CENPW: variants seen among roughly 807,000 people sequenced by gnomAD.
CENPW encodes the protein cancer-up-regulated gene 2 protein.
CENPW carries 3 observed loss-of-function variants against 11.1 expected under a neutral mutation model. The observed-to-expected ratio is 0.27, with a 90% CI of 0.12 to 0.70. The LOEUF (loss-of-function observed/expected upper bound fraction) is 0.70. Ranked by LOEUF, CENPW falls within the 30% of genes least tolerant of loss-of-function variation. CENPW has a pLI of 0.77. For synonymous variants in CENPW, 38 were observed against 42.0 expected (o/e 0.91, Z 0.37); for missense variants, 100 against 105.6 (o/e 0.95, Z 0.23).
chr6:126,415,733 G>A, the CENPW span, among the ~76,000 whole-genome samples: 2 of 152,056 alleles, frequency 1.3e-5, no homozygotes, highest in African/African-American at 2.4e-5. Flanking sequence ...CCCTGCATAC[G>A]CTCTATTCTC....
chr6:126,399,118 T>C, the CENPW span, among the ~76,000 whole-genome samples: 1 of 152,136 alleles, frequency 6.6e-6, no homozygotes, highest in Non-Finnish European at 1.5e-5. Context: ...GTGTTGAAGA[T>C]ATGAGTGCAT....
Position 126,340,147 on chromosome 6 carries a change from T to A in CENPW, c.-127T>A, listed in dbSNP as rs372192318. ...TGGCGGCGGATTCGAACGTTCGGAC[T>A]GAGGTTTTTCTGCCTGAAGAAGCGT... On this transcript the variant is annotated 5_prime_UTR_variant, in exon 1 of 3. Transcript: ENST00000368328. 1.2e-5 allele frequency: 10 copies of A among 869,208 alleles called. No homozygotes were observed. In the South Asian group the frequency reaches 1.3e-4, roughly 11 times the overall value. The allele number at this position is 869,208 out of a possible 1,614,324, so 53.8% of individuals were successfully genotyped here.
chr6:126,470,347 A>G, the CENPW span, among the ~76,000 whole-genome samples: 17 of 152,170 alleles, frequency 1.1e-4, no homozygotes, highest in African/African-American at 4.1e-4. Context: ...GGCAGCTTCC[A>G]TGTGGTTTTG....
At chr6:126,382,220 A>C in the CENPW span, among the ~76,000 whole-genome samples, 1 of 151,632 alleles carries the variant, frequency 6.6e-6, no homozygotes, top group Non-Finnish European at 1.5e-5. Flanking sequence ...CTGGGTGACG[A>C]GCGAAAATCC....
chr6:126,386,382 G>T, the CENPW span, among the ~76,000 whole-genome samples: 127,078 of 152,014 alleles, frequency 0.84, 53,350 homozygotes, highest in East Asian at 1. Flanking sequence ...TTCCATCCTC[G>T]CACCAAACTA....
the CENPW span, among the ~76,000 whole-genome samples, chr6:126,441,434 C>A: frequency 6.6e-6 from 1 of 151,232 alleles, no homozygotes. Flanking sequence ...TCTTCTAAAA[C>A]TAGGATAGTG....
rs535612322 is a variant in CENPW, at chr6:126,345,716, TAAAC to T, written c.127-486_127-483del. ...CATACACTTTTCAATTTAGCAAACT[TAAAC>T]AATTTCAACTATTAACATGTTTTTT... On this transcript the variant is annotated intron_variant, in intron 1 of 2. Transcript: ENST00000368328. Among the ~76,000 whole-genome samples the T allele has an allele frequency of 9.7e-3, 1,472 of 152,176 alleles. 16 individuals are homozygous for T. The highest frequency in any genetic ancestry group is 0.016 in the Non-Finnish European group (1,070 of 67,988).
chr6:126,430,621 G>A, the CENPW span, among the ~76,000 whole-genome samples: 1 of 152,086 alleles, frequency 6.6e-6, no homozygotes, highest in Admixed American at 6.5e-5. Flanking sequence ...TCATAGTAGT[G>A]GGTGGTAGGA....
At chr6:126,459,212 G>T in the CENPW span, among the ~76,000 whole-genome samples, 9 of 151,082 alleles carry the variant, frequency 6.0e-5, no homozygotes, top group Admixed American at 2.6e-4. Flanking sequence ...TCCGATTTTT[G>T]ATCATTACAT....
chr6:126,413,599 A>G, the CENPW span, among the ~76,000 whole-genome samples: 1 of 152,058 alleles, frequency 6.6e-6, no homozygotes, highest in African/African-American at 2.4e-5. Flanking sequence ...CCCTGTATCT[A>G]GAAATAAAAA....
At chr6:126,374,435 T>C in the CENPW span, among the ~76,000 whole-genome samples, 1 of 152,190 alleles carries the variant, frequency 6.6e-6, no homozygotes, top group African/African-American at 2.4e-5. Context: ...GGTTTTTTCC[T>C]GACAGCTTGT....
chr6:126,455,625 GA>G, the CENPW span, among the ~76,000 whole-genome samples: 1 of 151,222 alleles, frequency 6.6e-6, no homozygotes, highest in Non-Finnish European at 1.5e-5. Context: ...ACTGAGTGGG[GA>G]AAAGCTGGAA....
chr6:126,480,366 T>A, the CENPW span, among the ~76,000 whole-genome samples: 2 of 152,050 alleles, frequency 1.3e-5, no homozygotes, highest in South Asian at 4.1e-4. Flanking sequence ...GAAAGTTTCT[T>A]AACCAATGCT....
chr6:126,445,923 G>C, the CENPW span, among the ~76,000 whole-genome samples: 1 of 151,002 alleles, frequency 6.6e-6, no homozygotes, highest in South Asian at 2.1e-4. Flanking sequence ...TTGGATATGC[G>C]GTTTCTAAAC....
At chr6:126,368,731 G>A in the CENPW span, among the ~76,000 whole-genome samples, 15 of 151,500 alleles carry the variant, frequency 9.9e-5, no homozygotes, top group African/African-American at 3.4e-4. Context: ...TGCAAGCTCC[G>A]CCTCCCGGGT....
At chr6:126,404,248 C>A in the CENPW span, among the ~76,000 whole-genome samples, 1 of 152,236 alleles carries the variant, frequency 6.6e-6, no homozygotes, top group Non-Finnish European at 1.5e-5. Context: ...TCTGCTAACA[C>A]AATATCCATT....
the CENPW span, among the ~76,000 whole-genome samples, chr6:126,403,076 G>A: frequency 3.3e-5 from 5 of 151,782 alleles, no homozygotes; most frequent in Non-Finnish European, 7.4e-5. Flanking sequence ...ATTGTTTTGG[G>A]ACACCACAAA....
the CENPW span, among the ~76,000 whole-genome samples, chr6:126,360,690 T>C: frequency 9.3e-4 from 142 of 152,154 alleles, no homozygotes; most frequent in Middle Eastern, 3.4e-3. Context: ...GTTTTTTTTT[T>C]CCCCCCAACT....
chr6:126,382,990 T>C, the CENPW span, among the ~76,000 whole-genome samples: 199 of 152,232 alleles, frequency 1.3e-3, no homozygotes, highest in Non-Finnish European at 2.1e-4. Flanking sequence ...ATCTTCAGAA[T>C]CTATAAGGTT....
Sources: gnomAD v4.1 joint callset for allele counts (sites outside exome capture counted in the v4.1 genomes callset) on GRCh38, gnomAD v4.1.1 for gene constraint, MANE v1.5 for transcripts, NCBI Gene and HGNC (gene_info 2026-07-23, HGNC 2026-07-21) for gene names.